Variants in TMEM238L observed in about 807,000 individuals in gnomAD.
TMEM238L encodes transmembrane protein 238-like.
At chr17:10,797,383 C>T (rs1376649839) in intron 1 of TMEM238L, among the ~76,000 whole-genome samples, 1 of 51,518 alleles carries the variant, frequency 1.9e-5, no homozygotes, top group Non-Finnish European at 3.3e-5. Flanking sequence ...CTCCCTCCTT[C>T]CCTCCCTCCC....
chr17:10,803,196 A>C (rs1205278874), intron 1 of TMEM238L, among the ~76,000 whole-genome samples: 2 of 152,080 alleles, frequency 1.3e-5, no homozygotes, highest in Non-Finnish European at 2.9e-5. Flanking sequence ...AGGGCACAAG[A>C]GTCATTGGGG....
At chr17:10,801,609 T>G (rs1904748915) in intron 1 of TMEM238L, among the ~76,000 whole-genome samples, 1 of 152,180 alleles carries the variant, frequency 6.6e-6, no homozygotes, top group Non-Finnish European at 1.5e-5. Context: ...TTTCCCTGAC[T>G]CCATCTTCTG....
chr17:10,796,215 TAATA>T, intron 1 of TMEM238L, among the ~76,000 whole-genome samples: 1 of 152,326 alleles, frequency 6.6e-6, no homozygotes, highest in South Asian at 2.1e-4. Context: ...GTGATTGGCT[TAATA>T]AATATCAAGA....
intron 1 of TMEM238L, among the ~76,000 whole-genome samples, chr17:10,799,557 A>G (rs747723099): frequency 5.3e-5 from 8 of 152,202 alleles, no homozygotes; most frequent in Non-Finnish European, 1.0e-4. Context: ...TCAGCTCTGA[A>G]TGCAGGGAGC....
intron 1 of TMEM238L, among the ~76,000 whole-genome samples, chr17:10,801,053 G>GGT (rs1252598703): frequency 4.2e-5 from 6 of 141,244 alleles, no homozygotes; most frequent in African/African-American, 1.6e-4. Flanking sequence ...CCTTTTTACT[G>GGT]TTTTTTTTTT....
intron 1 of TMEM238L, among the ~76,000 whole-genome samples, chr17:10,801,223 T>C (rs1904737256): frequency 6.6e-6 from 1 of 152,134 alleles, no homozygotes. Flanking sequence ...GCTAATTTTT[T>C]GTATTTTTAG....
chr17:10,796,361 C>T (rs1407521383), intron 1 of TMEM238L, among the ~76,000 whole-genome samples: 3 of 152,248 alleles, frequency 2.0e-5, no homozygotes, highest in East Asian at 1.9e-4. Flanking sequence ...TCGTCTATCA[C>T]GTCAGCATCC....
intron 1 of TMEM238L, among the ~76,000 whole-genome samples, chr17:10,798,943 T>C (rs1279958577): frequency 6.6e-6 from 1 of 151,692 alleles, no homozygotes; most frequent in Non-Finnish European, 1.5e-5. Flanking sequence ...GAAAATACAG[T>C]GACCAGGTGA....
rs1384421502 is a variant in TMEM238L at position 10,802,936 on chromosome 17, A to G, written c.*118+670T>C. On this transcript the variant is annotated intron_variant, in intron 1 of 1. Transcript: ENST00000581851. ...AAATCCATGAAGCCAAACTGTCTTG[A>G]CTTCTGGGCCTTGGAGACTGGCTGG... Among the ~76,000 whole-genome samples, 3 of 152,076 alleles carry G rather than the reference A, an allele frequency of 2.0e-5. No individual in the cohort carries two copies. The East Asian group carries it at 5.8e-4, about 29-fold the overall frequency.
intron 1 of TMEM238L, among the ~76,000 whole-genome samples, chr17:10,802,661 G>C (rs1863599230): frequency 6.6e-6 from 1 of 152,216 alleles, no homozygotes; most frequent in South Asian, 2.1e-4. Flanking sequence ...TGGTAAGGGA[G>C]TAAGAAACGG....
chr17:10,798,380 C>T (rs909804163), intron 1 of TMEM238L, among the ~76,000 whole-genome samples: 1 of 152,196 alleles, frequency 6.6e-6, no homozygotes, highest in Non-Finnish European at 1.5e-5. Context: ...CTCCTCCACA[C>T]AGCCCTGGCA....
intron 1 of TMEM238L, among the ~76,000 whole-genome samples, chr17:10,800,953 A>G (rs958837522): frequency 6.6e-6 from 1 of 152,146 alleles, no homozygotes; most frequent in African/African-American, 2.4e-5. Flanking sequence ...CATAACCATA[A>G]TAACCTATAC....
At chr17:10,799,196 T>C (rs576869258) in intron 1 of TMEM238L, among the ~76,000 whole-genome samples, 5 of 152,276 alleles carry the variant, frequency 3.3e-5, no homozygotes, top group Admixed American at 3.3e-4. Flanking sequence ...AAACTCATTT[T>C]TTAATTTTTT....
At chr17:10,797,571 C>T (rs1904601721) in intron 1 of TMEM238L, among the ~76,000 whole-genome samples, 2 of 152,046 alleles carry the variant, frequency 1.3e-5, no homozygotes, top group South Asian at 2.1e-4. Flanking sequence ...TAGTTCTGCT[C>T]GTATACGATT....
chr17:10,801,778 T>C (rs1180024858), intron 1 of TMEM238L, among the ~76,000 whole-genome samples: 2 of 151,752 alleles, frequency 1.3e-5, no homozygotes, highest in African/African-American at 4.9e-5. Flanking sequence ...CCCCACGTCA[T>C]GTGTCTTTTT....
chr17:10,799,586 C>T (rs970416127), intron 1 of TMEM238L, among the ~76,000 whole-genome samples: 1 of 152,210 alleles, frequency 6.6e-6, no homozygotes, highest in East Asian at 1.9e-4. Context: ...TTTCCTTTTA[C>T]CCCGCTCTGA....
chr17:10,798,449 C>A (rs924605236), intron 1 of TMEM238L, among the ~76,000 whole-genome samples: 1 of 152,200 alleles, frequency 6.6e-6, no homozygotes, highest in Non-Finnish European at 1.5e-5. Context: ...TTACCAGGCT[C>A]ACCTTTGAGC....
intron 1 of TMEM238L, among the ~76,000 whole-genome samples, chr17:10,797,481 A>G (rs1245777871): frequency 2.0e-5 from 3 of 147,076 alleles, no homozygotes; most frequent in Non-Finnish European, 4.4e-5. Context: ...TCTCATCCAC[A>G]TGTCTCTAAC....
chr17:10,797,371 C>G (rs1448579321), intron 1 of TMEM238L, among the ~76,000 whole-genome samples: 2 of 121,488 alleles, frequency 1.6e-5, no homozygotes, highest in Non-Finnish European at 3.3e-5. Flanking sequence ...TTCCCTCTCA[C>G]CCTCCCTCCT....
Sources: gnomAD v4.1 joint callset for allele counts (sites outside exome capture counted in the v4.1 genomes callset) on GRCh38, gnomAD v4.1.1 for gene constraint, MANE v1.5 for transcripts, NCBI Gene and HGNC (gene_info 2026-07-23, HGNC 2026-07-21) for gene names.